The following ROBO2 variants were observed in gnomAD, a reference collection of about 807,000 sequenced individuals.
ROBO2 encodes roundabout homolog 2.
In ROBO2, 53 loss-of-function variants were observed where a neutral mutation model predicts 160.8. That is an observed-to-expected ratio of 0.33 (90% confidence interval 0.26 to 0.41). The LOEUF (loss-of-function observed/expected upper bound fraction) is 0.41. Among genes scored for constraint, ROBO2 ranks in the 10% least tolerant of loss-of-function variants. ROBO2 has a pLI of 1.00. For synonymous variants in ROBO2, 664 were observed against 611.7 expected (o/e 1.09, Z -1.26); for missense variants, 1,577 against 1,722.4 (o/e 0.92, Z 1.49).
intron 2 of ROBO2, among the ~76,000 whole-genome samples, chr3:76,281,256 G>T (rs1356769969): frequency 6.6e-6 from 1 of 151,638 alleles, no homozygotes; most frequent in Non-Finnish European, 1.5e-5. Context: ...ATTTTCAATG[G>T]TTCTTAACGA....
chr3:76,208,972 T>C (rs34154506), intron 2 of ROBO2, among the ~76,000 whole-genome samples: 51,222 of 152,066 alleles, frequency 0.34, 10,178 homozygotes, highest in Non-Finnish European at 0.44. Flanking sequence ...ATGAAACAAA[T>C]GTGAATTTTG....
At chr3:77,473,483 A>G (rs1458261653) in intron 2 of ROBO2, among the ~76,000 whole-genome samples, 1 of 98,564 alleles carries the variant, frequency 1.0e-5, no homozygotes, top group East Asian at 3.1e-4. Flanking sequence ...TTTTTGAGAC[A>G]AAGTCTCGCT....
intron 2 of ROBO2, among the ~76,000 whole-genome samples, chr3:77,297,585 A>G (rs1408611685): frequency 6.6e-6 from 1 of 152,110 alleles, no homozygotes; most frequent in Non-Finnish European, 1.5e-5. Flanking sequence ...GAAGCTTGCC[A>G]TTGGCTACAT....
intron 2 of ROBO2, among the ~76,000 whole-genome samples, chr3:76,922,086 C>A (rs2076699374): frequency 6.6e-6 from 1 of 152,138 alleles, no homozygotes; most frequent in South Asian, 2.1e-4. Flanking sequence ...CCAAGGCGGG[C>A]AGATCAAGAG....
At chr3:77,565,867 C>T (rs562823478) in intron 12 of ROBO2, among the ~76,000 whole-genome samples, 24 of 152,130 alleles carry the variant, frequency 1.6e-4, no homozygotes, top group African/African-American at 4.3e-4. Flanking sequence ...TTACCTGTCT[C>T]TTCAAACTGA....
At chr3:75,928,701 C>T (rs901897195) in intron 1 of ROBO2, among the ~76,000 whole-genome samples, 1 of 152,218 alleles carries the variant, frequency 6.6e-6, no homozygotes, top group African/African-American at 2.4e-5. Flanking sequence ...GTCTCCATAG[C>T]TGATGATTAT....
At chr3:76,391,103 A>G (rs1277367375) in intron 2 of ROBO2, among the ~76,000 whole-genome samples, 1 of 152,010 alleles carries the variant, frequency 6.6e-6, no homozygotes, top group African/African-American at 2.4e-5. Context: ...TAAATATTAT[A>G]AATATTAGAT....
At chr3:76,805,040 G>C (rs2064565554) in intron 2 of ROBO2, among the ~76,000 whole-genome samples, 1 of 152,018 alleles carries the variant, frequency 6.6e-6, no homozygotes, top group Non-Finnish European at 1.5e-5. Context: ...TGAGCATTTT[G>C]AGCGTCAGAA....
At position 76,209,481 on chromosome 3, in the gene ROBO2, G is replaced by C. The variant is rs542289207; in HGVS notation, c.109+271879G>C. Among the ~76,000 whole-genome samples, 348 of 152,220 alleles carry C rather than the reference G, an allele frequency of 2.3e-3. 1 individual carries two copies. Among genetic ancestry groups the C allele is most frequent in the African/African-American group, 8.1e-3 (338 of 41,536 alleles). On this transcript the variant is annotated intron_variant, in intron 2 of 26. Coordinates refer to the ROBO2 transcript ENST00000487694. ...CGAATAATTTATCTGTATGGTATAG[G>C]ATAATTGAAGAGGAAAAAAACAGCA...
At chr3:77,059,070 A>G (rs944848277) in intron 1 of ROBO2, among the ~76,000 whole-genome samples, 1 of 152,192 alleles carries the variant, frequency 6.6e-6, no homozygotes, top group African/African-American at 2.4e-5. Context: ...GTATTATGAA[A>G]GAAAAATATA....
At chr3:76,655,675 AAG>A (rs1204496741) in intron 2 of ROBO2, among the ~76,000 whole-genome samples, 1 of 147,614 alleles carries the variant, frequency 6.8e-6, no homozygotes, top group African/African-American at 2.5e-5. Flanking sequence ...AAAAGAAAGA[AAG>A]AGAGGGGCAG....
At chr3:77,543,166 T>TCACAACATGGCCTGATTGGTTCTGTTC (rs2153645882) in intron 6 of ROBO2, among the ~76,000 whole-genome samples, 1 of 152,158 alleles carries the variant, frequency 6.6e-6, no homozygotes, top group South Asian at 2.1e-4. Context: ...TTTTTTTTTC[T>TCACAACATGGCCTGATTGGTTCTGTTC]CACAACATGG....
intron 2 of ROBO2, among the ~76,000 whole-genome samples, chr3:75,954,505 C>T (rs1403165376): frequency 6.6e-6 from 1 of 151,914 alleles, no homozygotes; most frequent in Non-Finnish European, 1.5e-5. Flanking sequence ...CCATTTTCCC[C>T]TCAAACTTGC....
intron 2 of ROBO2, among the ~76,000 whole-genome samples, chr3:77,272,284 T>C (rs1560395689): frequency 6.6e-6 from 1 of 152,190 alleles, no homozygotes; most frequent in Non-Finnish European, 1.5e-5. Context: ...GAAAAGAGGT[T>C]TAACTGTCTC....
intron 6 of ROBO2, among the ~76,000 whole-genome samples, chr3:77,545,951 T>C (rs2092681265): frequency 6.6e-6 from 1 of 152,086 alleles, no homozygotes; most frequent in South Asian, 2.1e-4. Context: ...ATAAATTGAC[T>C]TTAGAGGAAG....
chr3:77,214,380 A>T (rs1307776876), intron 2 of ROBO2, among the ~76,000 whole-genome samples: 3 of 152,024 alleles, frequency 2.0e-5, no homozygotes, highest in Admixed American at 6.6e-5. Flanking sequence ...AAGTCTGTTT[A>T]AGCAGAGACT....
chr3:77,022,135 C>T (rs926051167), intron 2 of ROBO2, among the ~76,000 whole-genome samples: 5 of 151,848 alleles, frequency 3.3e-5, no homozygotes, highest in African/African-American at 9.7e-5. Context: ...TTTGGGAAGC[C>T]GAGGCAGGCA....
intron 2 of ROBO2, among the ~76,000 whole-genome samples, chr3:76,449,278 A>G (rs960991313): frequency 6.6e-6 from 1 of 152,162 alleles, no homozygotes; most frequent in Non-Finnish European, 1.5e-5. Context: ...GATGAAGTGT[A>G]TGAGCTAAAT....
chr3:76,681,840 A>G (rs1035915528), intron 2 of ROBO2, among the ~76,000 whole-genome samples: 1 of 152,178 alleles, frequency 6.6e-6, no homozygotes, highest in African/African-American at 2.4e-5. Context: ...AACTTAATAC[A>G]AGGAGATGTT....
Sources: allele counts gnomAD v4.1 joint callset (sites outside exome capture counted in the v4.1 genomes callset), GRCh38; gene constraint gnomAD v4.1.1; transcripts MANE v1.5; gene names NCBI Gene and HGNC (gene_info 2026-07-23, HGNC 2026-07-21).